The following PRLR variants were observed in gnomAD, a reference collection of about 807,000 sequenced individuals.
The protein encoded by PRLR is prolactin receptor.
A neutral mutation model predicts 40.2 loss-of-function variants in PRLR; 13 were observed. The ratio of observed to expected loss-of-function variants is 0.32; its 90% confidence interval spans 0.21 to 0.51. PRLR has a LOEUF of 0.51. Ranked by LOEUF, PRLR falls within the 20% of genes least tolerant of loss-of-function variation. The pLI is 0.97. For missense variants in PRLR, 656 were observed against 747.3 expected (o/e 0.88, Z 1.42); for synonymous variants, 269 against 278.7 (o/e 0.97, Z 0.35).
intron 1 of PRLR, among the ~76,000 whole-genome samples, chr5:35,125,259 C>A (rs1490073815): frequency 6.6e-6 from 1 of 152,162 alleles, no homozygotes; most frequent in Non-Finnish European, 1.5e-5. Context: ...GGCCAACGAT[C>A]ATCTTGATTG....
In PRLR at chr5:35,059,278, G is replaced by A. The variant is rs1368157766; in HGVS notation, c.*5811C>T. 6.6e-6 allele frequency: 1 copy of A among 152,046 alleles called. No individual in the cohort carries two copies. Among genetic ancestry groups the A allele is most frequent in the Non-Finnish European group, 1.5e-5 (1 of 68,018 alleles). 9.4% of individuals were successfully genotyped at this position (152,046 alleles called of 1,614,324 possible). ...GTTAATTAATAGACTAAGATTATCT[G>A]TGGTCTATTTATTGACCACACCTTA... is the stretch of plus-strand genomic sequence containing the variant. On this transcript the variant is annotated 3_prime_UTR_variant, in exon 10 of 10. Transcript: ENST00000618457.
chr5:35,141,752 G>C (rs983564551), intron 1 of PRLR, among the ~76,000 whole-genome samples: 38 of 152,104 alleles, frequency 2.5e-4, no homozygotes, highest in African/African-American at 9.2e-4. Flanking sequence ...TCTAAGTCTA[G>C]TCAATTTTAC....
intron 1 of PRLR, among the ~76,000 whole-genome samples, chr5:35,126,515 C>A (rs1417259915): frequency 1.3e-5 from 2 of 152,020 alleles, no homozygotes; most frequent in East Asian, 3.9e-4. Context: ...CTTTGTGTTA[C>A]TGTGTGTGAA....
At chr5:35,106,475 G>A (rs1772257776) in intron 2 of PRLR, among the ~76,000 whole-genome samples, 1 of 152,302 alleles carries the variant, frequency 6.6e-6, no homozygotes, top group Middle Eastern at 3.4e-3. Flanking sequence ...CTGTATTCAG[G>A]AGACCCACTT....
At chr5:35,090,841 C>T (rs40530) in intron 2 of PRLR, among the ~76,000 whole-genome samples, 19,257 of 119,388 alleles carry the variant, frequency 0.16, 1,646 homozygotes, top group Middle Eastern at 0.42. Flanking sequence ...GACAGAGTCT[C>T]GCTCTTTCGC....
intron 1 of PRLR, among the ~76,000 whole-genome samples, chr5:35,175,668 A>G (rs1775126707): frequency 6.6e-6 from 1 of 152,210 alleles, no homozygotes; most frequent in South Asian, 2.1e-4. Context: ...ACTGTTCTGC[A>G]AGTGATGCCC....
At chr5:35,105,110 T>G (rs867910450) in intron 2 of PRLR, among the ~76,000 whole-genome samples, 5 of 152,186 alleles carry the variant, frequency 3.3e-5, no homozygotes, top group Non-Finnish European at 7.3e-5. Flanking sequence ...GGCAAACAGG[T>G]TCTGGAGTGG....
chr5:35,153,987 C>T (rs538080271), intron 1 of PRLR, among the ~76,000 whole-genome samples: 1 of 152,258 alleles, frequency 6.6e-6, no homozygotes, highest in African/African-American at 2.4e-5. Flanking sequence ...AAACCAATCG[C>T]ACAAAATAGA....
chr5:35,098,389 G>T (rs1011304654), intron 2 of PRLR, among the ~76,000 whole-genome samples: 5 of 152,194 alleles, frequency 3.3e-5, no homozygotes, highest in African/African-American at 1.2e-4. Flanking sequence ...CAGCCAATCT[G>T]CTGCTGACTC....
At chr5:35,051,449 A>G (rs79121285), downstream of PRLR, among the ~76,000 whole-genome samples, 38 of 152,294 alleles carry the variant, frequency 2.5e-4, no homozygotes, top group Admixed American at 2.2e-3. Context: ...CTAGTTGTTC[A>G]TTCTCTTGAA....
At chr5:35,082,755 C>T (rs189170989) in intron 5 of PRLR, among the ~76,000 whole-genome samples, 26 of 152,164 alleles carry the variant, frequency 1.7e-4, no homozygotes, top group East Asian at 1.2e-3. Context: ...GAAAATGTAC[C>T]GTGCATTTTA....
At chr5:35,183,439 A>C (rs1489695740) in intron 1 of PRLR, among the ~76,000 whole-genome samples, 2 of 152,214 alleles carry the variant, frequency 1.3e-5, no homozygotes, top group Non-Finnish European at 2.9e-5. Context: ...GTATTAAGAC[A>C]TCACAGAACT....
At chr5:35,052,819 T>C (rs370794433), downstream of PRLR, among the ~76,000 whole-genome samples, 106 of 152,320 alleles carry the variant, frequency 7.0e-4, no homozygotes, top group Middle Eastern at 3.4e-3. Context: ...CAGGCCTTGC[T>C]AGGTTTTCTC....
At chr5:35,188,956 G>A (rs994359393) in intron 1 of PRLR, among the ~76,000 whole-genome samples, 1 of 152,152 alleles carries the variant, frequency 6.6e-6, no homozygotes, top group Non-Finnish European at 1.5e-5. Context: ...CCAACACCCA[G>A]GACCTCAGAA....
chr5:35,069,995 A>G, intron 7 of PRLR, 129 bp downstream of exon 7: 1 of 1,097,066 alleles, frequency 9.1e-7, no homozygotes, highest in South Asian at 1.8e-5. Context: ...TTGGGCAGAA[A>G]GATTATAAAC....
At chr5:35,192,959 T>C (rs1775645213) in intron 1 of PRLR, among the ~76,000 whole-genome samples, 1 of 152,182 alleles carries the variant, frequency 6.6e-6, no homozygotes. Context: ...TGTGGTTTTT[T>C]CCTGCTTGCA....
At chr5:35,091,640 C>T (rs539100945) in intron 2 of PRLR, among the ~76,000 whole-genome samples, 13 of 152,144 alleles carry the variant, frequency 8.5e-5, no homozygotes, top group African/African-American at 3.1e-4. Context: ...CAGCCACTGA[C>T]CCACAGTGAG....
intron 1 of PRLR, among the ~76,000 whole-genome samples, chr5:35,214,631 G>T (rs1776243211): frequency 6.6e-6 from 1 of 152,284 alleles, no homozygotes; most frequent in South Asian, 2.1e-4. Flanking sequence ...CAGGCTTGAA[G>T]CAAACACAGC....
chr5:35,162,324 C>T (rs1774697250), intron 1 of PRLR, among the ~76,000 whole-genome samples: 1 of 152,176 alleles, frequency 6.6e-6, no homozygotes, highest in Non-Finnish European at 1.5e-5. Flanking sequence ...GATTGGCTCC[C>T]AAAACAAACC....
Sources: allele counts gnomAD v4.1 joint callset (sites outside exome capture counted in the v4.1 genomes callset), GRCh38; gene constraint gnomAD v4.1.1; transcripts MANE v1.5; gene names NCBI Gene and HGNC (gene_info 2026-07-23, HGNC 2026-07-21).